PLCH2: variants seen among roughly 807,000 people sequenced by gnomAD.
PLCH2 encodes 1-phosphatidylinositol 4,5-bisphosphate phosphodiesterase eta-2.
Under a neutral mutation model 134.7 loss-of-function variants are expected in PLCH2, and 98 were observed. The observed-to-expected ratio is 0.73, with a 90% CI of 0.62 to 0.86. The LOEUF is 0.86. Among genes scored for constraint, PLCH2 ranks in the 40% least tolerant of loss-of-function variants. The pLI is 0.00. For synonymous variants in PLCH2, 974 were observed against 827.5 expected (o/e 1.18, Z -3.04); for missense variants, 1,994 against 1,986.6 (o/e 1.00, Z -0.07).
In PLCH2 at chr1:2,476,545, G is replaced by A. The variant is rs1302660922; in HGVS notation, c.-44G>A. The stretch of plus-strand genomic sequence containing the variant: ...GACCTCCGCTGCCCGAAGGCCGGTG[G>A]GCCTCTGTGGCCTCCGTGAAGCAGG... On this transcript the variant is annotated 5_prime_UTR_variant, in exon 1 of 22. Transcript: ENST00000378486. 2.1e-6 allele frequency: 3 copies of A among 1,447,392 alleles called. No homozygotes were observed. Among genetic ancestry groups the A allele is most frequent in the Non-Finnish European group, 2.7e-6 (3 of 1,104,192 alleles). The allele number at this position is 1,447,392 out of a possible 1,614,324, so 89.7% of individuals were successfully genotyped here. A position where few individuals can be genotyped will look rare whatever the true frequency, so the allele number is the denominator to read the frequency against.
chr1:2,426,970 G>A (rs1478975467), intron 1 of PLCH2, among the ~76,000 whole-genome samples: 3 of 152,218 alleles, frequency 2.0e-5, no homozygotes, highest in African/African-American at 7.2e-5. Flanking sequence ...TGGGCTGGGA[G>A]AGTGGGGAGG....
chr1:2,466,878 G>C (rs566274398), upstream of PLCH2, among the ~76,000 whole-genome samples: 8 of 152,298 alleles, frequency 5.3e-5, no homozygotes, highest in East Asian at 1.4e-3. Flanking sequence ...ACAGGAAGGG[G>C]TGTAGCAGCA....
rs1643417625 is a variant in PLCH2, at chr1:2,504,394, C to G, written c.3432C>G (p.Ser1144=). ...LEPCGHRDSV[S]SSSSMSSSDT... Reference sequence around the variant, plus strand: ...CATGTGGCCACCGAGACAGCGTTTCCTCCTCCTCCAGCATGTCATCCAGCG... The same window carrying G: ...CATGTGGCCACCGAGACAGCGTTTCGTCCTCCTCCAGCATGTCATCCAGCG... Residue 1144 remains serine (S), a synonymous_variant, in exon 22 of 22, where the codon TCC becomes TCG. Coordinates refer to ENST00000378486, the MANE Select transcript of PLCH2 (RefSeq NM_014638.4). 2 of 1,609,096 alleles carry G rather than the reference C, an allele frequency of 1.2e-6. No individual in the cohort carries two copies. The highest frequency in any genetic ancestry group is 1.7e-6 in the Non-Finnish European group (2 of 1,179,456).
At chr1:2,459,905 C>T (rs985746255) in intron 2 of PLCH2, among the ~76,000 whole-genome samples, 1 of 152,258 alleles carries the variant, frequency 6.6e-6, no homozygotes. Flanking sequence ...GTTTCCTTGG[C>T]ACCGTGAGGG....
chr1:2,429,214 C>T (rs11578875), intron 1 of PLCH2, among the ~76,000 whole-genome samples: 15,055 of 152,144 alleles, frequency 0.099, 974 homozygotes, highest in East Asian at 0.31. Context: ...AGAGACATGC[C>T]GACAGGAGCC....
intron 11 of PLCH2, chr1:2,492,614 C>A (rs1424968952): frequency 6.6e-6 from 1 of 152,208 alleles, no homozygotes; most frequent in African/African-American, 2.4e-5. Context: ...GGACACACAC[C>A]CCAGAAGGGT....
intron 2 of PLCH2, among the ~76,000 whole-genome samples, chr1:2,441,276 C>G (rs537996534): frequency 1.4e-4 from 22 of 152,324 alleles, no homozygotes; most frequent in African/African-American, 5.3e-4. Context: ...CGAAGAGGCG[C>G]GGGCACCACA....
chr1:2,499,045 C>A (rs903469277), intron 18 of PLCH2, 39 bp from the exon 19 acceptor site: 1 of 1,590,158 alleles, frequency 6.3e-7, no homozygotes, highest in African/African-American at 1.3e-5. Context: ...TGGGCCGGGC[C>A]CTCCCCATGG....
chr1:2,504,205 G>A lies in PLCH2; in HGVS notation c.3243G>A (p.Gln1081=), dbSNP rs1046385972. The part of the protein sequence containing the change: ...APGSQTDGRS[Q]PRTLGHLPVI... The stretch of plus-strand genomic sequence containing the variant: ...GCAGCCAGACGGACGGCAGGAGCCA[G>A]CCCCGGACCCTGGGCCACCTGCCCG... Residue 1081 remains glutamine, a synonymous_variant, in exon 22 of 22, where the codon CAG becomes CAA. Transcript: ENST00000378486. The A allele has an allele frequency of 6.4e-7, 1 of 1,555,106 alleles. No individual in the cohort carries two copies. Among genetic ancestry groups the A allele is most frequent in the Non-Finnish European group, 8.7e-7 (1 of 1,150,722 alleles).
rs777195122 is a variant in PLCH2 at position 2,498,696 on chromosome 1, C to G, written c.2350-48C>G. On this transcript the variant is annotated intron_variant, in intron 17 of 21. Coordinates refer to ENST00000378486, the MANE Select transcript of PLCH2 (RefSeq NM_014638.4). This position sits in a 1 kb window ranked among gnomAD's most constrained non-coding sequence, Gnocchi z 5.4. ...GGGAGGGGTGGGAGTTGGGGGCGGGCCGGGCATCGCGATGGGCCCTGATGC... is the reference window on the plus strand; with the variant it reads ...GGGAGGGGTGGGAGTTGGGGGCGGGGCGGGCATCGCGATGGGCCCTGATGC... The G allele has an allele frequency of 7.8e-6, 12 of 1,546,264 alleles. No homozygotes were observed. The South Asian group carries it at 1.3e-4, about 17-fold the overall frequency.
intron 2 of PLCH2, among the ~76,000 whole-genome samples, chr1:2,443,767 A>C (rs1173803280): frequency 6.8e-6 from 1 of 146,804 alleles, no homozygotes; most frequent in Non-Finnish European, 1.5e-5. Context: ...CGGCGCCTCC[A>C]CGGGGCGCAG....
chr1:2,495,015 G>C lies in PLCH2; in HGVS notation c.1752+67G>C, dbSNP rs560585872. On this transcript the variant is annotated intron_variant, in intron 12 of 21. Coordinates refer to ENST00000378486, the MANE Select transcript of PLCH2 (RefSeq NM_014638.4). ...GTGTCCTCCCTGCTCCCAGTGCCCCGTGTCCTCCCTGCTCCCAGTGCCCCG... is the reference window on the plus strand; with the variant it reads ...GTGTCCTCCCTGCTCCCAGTGCCCCCTGTCCTCCCTGCTCCCAGTGCCCCG... The C allele has an allele frequency of 6.4e-6, 7 of 1,095,946 alleles. No individual in the cohort carries two copies. In the African/African-American group the frequency reaches 1.1e-4, roughly 18 times the overall value. 67.9% of individuals were successfully genotyped at this position (1,095,946 alleles called of 1,614,324 possible). A position where few individuals can be genotyped will look rare whatever the true frequency, so the allele number is the denominator to read the frequency against.
intron 2 of PLCH2, among the ~76,000 whole-genome samples, chr1:2,453,056 G>A (rs72915783): frequency 0.043 from 6,506 of 151,988 alleles, 511 homozygotes; most frequent in African/African-American, 0.15. Flanking sequence ...ATTCCTGGTC[G>A]GGGCGCCCCC....
Position 2,494,878 on chromosome 1 carries a change from A to G in PLCH2, c.1682A>G (p.Glu561Gly), listed in dbSNP as rs566449864. Residue 561 changes from glutamate to glycine, a missense_variant, in exon 12 of 22, where the codon GAG (glutamate) becomes GGG (glycine). Transcript: ENST00000378486. Reference protein sequence around the residue: ...GRKSKAEEDVESGEDAGASRR... With the variant: ...GRKSKAEEDVGSGEDAGASRR... The stretch of plus-strand genomic sequence containing the variant: ...CAGAGCAAGGCTGAAGAGGACGTGG[A>G]GTCTGGGGAGGATGCCGGGGCCAGC... 6.2e-7 allele frequency: 1 copy of G among 1,606,654 alleles called. No homozygotes were observed. The highest frequency in any genetic ancestry group is 2.2e-5 in the East Asian group (1 of 44,664).
intron 20 of PLCH2, chr1:2,501,872 T>G: frequency 2.2e-6 from 1 of 455,684 alleles, no homozygotes. Flanking sequence ...GCCGGAAGGG[T>G]GGGGTGGGCC....
At chr1:2,422,894 T>G (rs779769631), upstream of PLCH2, among the ~76,000 whole-genome samples, 12 of 152,232 alleles carry the variant, frequency 7.9e-5, no homozygotes, top group Non-Finnish European at 1.5e-4. Context: ...TGGAAGACCA[T>G]GTTTTGGTAT....
At chr1:2,456,766 G>A (rs1640518287) in intron 2 of PLCH2, among the ~76,000 whole-genome samples, 1 of 152,190 alleles carries the variant, frequency 6.6e-6, no homozygotes, top group South Asian at 2.1e-4. Flanking sequence ...CTTGGTGGGA[G>A]GTGCCCACCC....
At chr1:2,458,332 A>G (rs938973218) in intron 2 of PLCH2, among the ~76,000 whole-genome samples, 3 of 152,192 alleles carry the variant, frequency 2.0e-5, no homozygotes, top group African/African-American at 7.2e-5. Flanking sequence ...CTTGGAGCAG[A>G]TGGCAGAGAC....
Position 2,504,082 on chromosome 1 carries a change from T to C in PLCH2, c.3120T>C (p.Asn1040=), listed in dbSNP as rs376460092. The part of the protein sequence containing the change: ...RPPYPTGPGA[N]VASPLEDTEE... ...CATACCCCACAGGACCCGGAGCCAA[T>C]GTGGCAAGCCCCCTAGAGGACACTG... The change falls in exon 22 of 22, where the codon AAT becomes AAC. Residue 1040 remains asparagine, a synonymous_variant. Coordinates refer to ENST00000378486, the MANE Select transcript of PLCH2 (RefSeq NM_014638.4). The C allele has an allele frequency of 2.7e-3, 4,185 of 1,548,134 alleles. 15 individuals carry two copies. Among genetic ancestry groups the C allele is most frequent in the Non-Finnish European group, 3.3e-3 (3,803 of 1,147,078 alleles).
Sources: gnomAD v4.1 joint callset for allele counts (sites outside exome capture counted in the v4.1 genomes callset) on GRCh38, gnomAD v4.1.1 for gene constraint, Gnocchi (gnomAD v3.1) non-coding constraint, MANE v1.5 for transcripts, NCBI Gene and HGNC (gene_info 2026-07-23, HGNC 2026-07-21) for gene names.